Variants in SNAPC1 observed in about 807,000 individuals in gnomAD.
SNAPC1 encodes snRNA-activating protein complex subunit 1.
SNAPC1 carries 42 observed loss-of-function variants against 50.1 expected under a neutral mutation model. The observed-to-expected ratio is 0.84, with a 90% CI of 0.65 to 1.08. The LOEUF (loss-of-function observed/expected upper bound fraction) is 1.08, where lower values mean the gene tolerates loss of function less well. Ranked by LOEUF, SNAPC1 falls within the 50% of genes least tolerant of loss-of-function variation. The probability of loss-of-function intolerance (pLI) is 0.00; values close to 1 mark genes in which losing one functional copy is unlikely to be tolerated. For synonymous variants in SNAPC1, 164 were observed against 144.2 expected (o/e 1.14, Z -0.98); for missense variants, 477 against 427.3 (o/e 1.12, Z -1.02).
chr14:61,794,866 T>A, intron 9 of SNAPC1, 83 bp from the exon 10 acceptor site: 1 of 893,290 alleles, frequency 1.1e-6, no homozygotes, highest in Non-Finnish European at 1.8e-6. Flanking sequence ...AATTAGGTAT[T>A]ATCATGTAAG....
intron 4 of SNAPC1, among the ~76,000 whole-genome samples, chr14:61,771,541 A>G (rs948386453): frequency 2.6e-5 from 4 of 152,260 alleles, no homozygotes; most frequent in African/African-American, 9.6e-5. Flanking sequence ...AGAAAACTAA[A>G]TAAGATAAAA....
chr14:61,783,017 ATTTTTTTTTTT>A (rs767793462), intron 8 of SNAPC1, among the ~76,000 whole-genome samples: 2 of 115,258 alleles, frequency 1.7e-5, no homozygotes, highest in African/African-American at 3.4e-5. Flanking sequence ...TTTCCAGTGC[ATTTTTTTTTTT>A]TTTTTTTTTT....
At chr14:61,792,231 A>G (rs1174154602) in intron 8 of SNAPC1, among the ~76,000 whole-genome samples, 1 of 152,224 alleles carries the variant, frequency 6.6e-6, no homozygotes. Context: ...TGTGTGCTAA[A>G]TGGTACTTGA....
At position 61,794,937 on chromosome 14, in the gene SNAPC1, T is replaced by C. The variant is rs2045178260; in HGVS notation, c.1073-12T>C. The C allele has an allele frequency of 6.3e-7, 1 of 1,578,682 alleles. No homozygotes were observed. The highest frequency in any genetic ancestry group is 1.4e-5 in the African/African-American group (1 of 73,206). ...TTTAGATCTGACTGACTTTTAAACT[T>C]TATGTCTTTAGAGTTCACTGCATCC... is the stretch of plus-strand genomic sequence containing the variant. On this transcript the variant is annotated splice_polypyrimidine_tract_variant and intron_variant, in intron 9 of 9. Coordinates refer to ENST00000216294, the MANE Select transcript of SNAPC1 (RefSeq NM_003082.4).
intron 8 of SNAPC1, among the ~76,000 whole-genome samples, chr14:61,791,569 C>T (rs79311815): frequency 0.019 from 2,952 of 152,116 alleles, 35 homozygotes; most frequent in South Asian, 0.04. Flanking sequence ...AGAAATAGGC[C>T]GGGCACGGTG....
At chr14:61,785,957 A>G (rs1167264406) in intron 8 of SNAPC1, among the ~76,000 whole-genome samples, 1 of 152,162 alleles carries the variant, frequency 6.6e-6, no homozygotes, top group African/African-American at 2.4e-5. Flanking sequence ...TTGGGGTCCG[A>G]AGATTTATTT....
chr14:61,788,219 G>C (rs1338514920), intron 8 of SNAPC1, among the ~76,000 whole-genome samples: 1 of 152,270 alleles, frequency 6.6e-6, no homozygotes, highest in African/African-American at 2.4e-5. Context: ...AATGTGATCT[G>C]AATTCAGATC....
chr14:61,776,417 T>C (rs1176249707), intron 5 of SNAPC1, among the ~76,000 whole-genome samples, 164 bp downstream of exon 5: 1 of 152,184 alleles, frequency 6.6e-6, no homozygotes, highest in Non-Finnish European at 1.5e-5. Context: ...TTATTAGGTA[T>C]GTGATGTTAT....
chr14:61,783,963 C>A (rs1176918446), intron 8 of SNAPC1, among the ~76,000 whole-genome samples: 2 of 152,156 alleles, frequency 1.3e-5, no homozygotes, highest in African/African-American at 4.8e-5. Flanking sequence ...TATTTAATGA[C>A]TAATAATGAA....
chr14:61,762,483 A>G lies in SNAPC1; in HGVS notation c.23A>G (p.Gln8Arg). Residue 8 changes from glutamine (Q) to arginine (R), a missense_variant, in exon 1 of 10, where the codon CAG becomes CGG. By Grantham distance (43) the Gln-to-Arg change is conservative. Transcript: ENST00000216294. ...GCCATGGGGACTCCTCCCGGCCTGC[A>G]GACCGACTGCGAGGCGCTGCTCAGC... is the stretch of plus-strand genomic sequence containing the variant. MGTPPGL[Q>R]TDCEALLSRF... 8.2e-7 allele frequency: 1 copy of G among 1,224,706 alleles called. No individual in the cohort carries two copies. The highest frequency in any genetic ancestry group is 1.7e-5 in the South Asian group (1 of 59,702). 75.9% of individuals were successfully genotyped at this position (1,224,706 alleles called of 1,614,324 possible). A position where few individuals can be genotyped will look rare whatever the true frequency, so the allele number is the denominator to read the frequency against.
rs118044516 is a variant in SNAPC1 at position 61,781,577 on chromosome 14, C to A, written c.826-670C>A. The stretch of plus-strand genomic sequence containing the variant: ...CACCTACTGATGTAACAAAACAAAT[C>A]CTTAGCCAGGATTGGCTAAAGATAT... On this transcript the variant is annotated intron_variant, in intron 7 of 9. Coordinates refer to ENST00000216294, the MANE Select transcript of SNAPC1 (RefSeq NM_003082.4). Among the ~76,000 whole-genome samples, 93 of 152,122 alleles carry A rather than the reference C, an allele frequency of 6.1e-4. No individual in the cohort carries two copies. The East Asian group carries it at 0.017, about 27-fold the overall frequency.
At chr14:61,764,575 T>G (rs1236137761) in intron 1 of SNAPC1, among the ~76,000 whole-genome samples, 1 of 152,220 alleles carries the variant, frequency 6.6e-6, no homozygotes, top group Non-Finnish European at 1.5e-5. Context: ...GTTAAGTAAT[T>G]TCTCCACCAT....
intron 4 of SNAPC1, among the ~76,000 whole-genome samples, chr14:61,774,001 G>C (rs1476967430): frequency 1.3e-5 from 2 of 152,124 alleles, no homozygotes; most frequent in African/African-American, 4.8e-5. Flanking sequence ...GAGCCATCGT[G>C]CACGGCCCCC....
At chr14:61,783,324 C>T (rs1016215569) in intron 8 of SNAPC1, among the ~76,000 whole-genome samples, 15 of 152,034 alleles carry the variant, frequency 9.9e-5, no homozygotes, top group African/African-American at 2.4e-4. Context: ...AGCCACCGCA[C>T]GCGGCCTCCA....
chr14:61,766,072 T>C (rs2044946633), intron 1 of SNAPC1, among the ~76,000 whole-genome samples: 2 of 152,226 alleles, frequency 1.3e-5, no homozygotes, highest in African/African-American at 2.4e-5. Context: ...TAACTTATCT[T>C]AGAAGCAAAA....
At position 61,796,261 on chromosome 14, in the gene SNAPC1, G is replaced by C. The variant is rs1441398812; in HGVS notation, c.*1278G>C. ...GAGGCAGGAGAATGGTGTGAACCCAGTGAGCCGAGATCGTGCCACTGCACT... is the reference window on the plus strand; with the variant it reads ...GAGGCAGGAGAATGGTGTGAACCCACTGAGCCGAGATCGTGCCACTGCACT... On this transcript the variant is annotated 3_prime_UTR_variant, in exon 10 of 10. Transcript: ENST00000216294. 1.3e-5 allele frequency: 2 copies of C among 151,926 alleles called. No homozygotes were observed. Among genetic ancestry groups the C allele is most frequent in the Non-Finnish European group, 1.5e-5 (1 of 68,028 alleles). 9.4% of individuals were successfully genotyped at this position (151,926 alleles called of 1,614,324 possible).
At chr14:61,788,996 G>T (rs942353199) in intron 8 of SNAPC1, among the ~76,000 whole-genome samples, 7 of 152,140 alleles carry the variant, frequency 4.6e-5, no homozygotes, top group Admixed American at 3.9e-4. Context: ...ACTTTGGGAG[G>T]CCGAGGCAGG....
chr14:61,782,274 G>A lies in SNAPC1; in HGVS notation c.853G>A (p.Val285Ile), dbSNP rs900970505. 2 of 1,605,972 alleles carry A rather than the reference G, an allele frequency of 1.2e-6. No homozygotes were observed. Among genetic ancestry groups the A allele is most frequent in the Non-Finnish European group, 1.7e-6 (2 of 1,177,596 alleles). Residue 285 changes from valine (V) to isoleucine (I), a missense_variant, in exon 8 of 10, where the codon GTC (valine) becomes ATC (isoleucine). Coordinates refer to ENST00000216294, the MANE Select transcript of SNAPC1 (RefSeq NM_003082.4). ...ATCCAAATCAAGAAGGCATCGTCAA[G>A]TCAAACTCGACTCTTCTGACTCTGA... The part of the protein sequence containing the change: ...QASKSRRHRQ[V>I]KLDSSDSDSA...
rs35300490 is a variant in SNAPC1, at chr14:61,774,648, A to ATTT, written c.535-1419_535-1417dup. On this transcript the variant is annotated intron_variant, in intron 4 of 9. Transcript: ENST00000216294. Reference sequence around the variant, plus strand: ...ACTCACCACTATTGATCAGTTTCTCATTTTTTTTTTTTTTTTTTTTTTTTT... The same window carrying ATTT: ...ACTCACCACTATTGATCAGTTTCTCATTTTTTTTTTTTTTTTTTTTTTTTTTTT... Among the ~76,000 whole-genome samples, 101 of 90,952 alleles carry ATTT rather than the reference A, an allele frequency of 1.1e-3. 8 individuals are homozygous for ATTT. Among genetic ancestry groups the ATTT allele is most frequent in the East Asian group, 1.8e-3 (6 of 3,320 alleles). 59.7% of individuals were successfully genotyped at this position (90,952 alleles called of 152,430 possible). A position where few individuals can be genotyped will look rare whatever the true frequency, so the allele number is the denominator to read the frequency against.
Sources: gnomAD v4.1 joint callset for allele counts (sites outside exome capture counted in the v4.1 genomes callset) on GRCh38, gnomAD v4.1.1 for gene constraint, MANE v1.5 for transcripts, NCBI Gene and HGNC (gene_info 2026-07-23, HGNC 2026-07-21) for gene names.